Variants in CNTNAP3 observed in about 807,000 individuals in gnomAD.
The protein encoded by CNTNAP3 is contactin-associated protein-like 3.
CNTNAP3 carries 36 observed loss-of-function variants against 92.1 expected under a neutral mutation model. The ratio of observed to expected loss-of-function variants is 0.39; its 90% CI spans 0.30 to 0.52. The LOEUF is 0.52. Ranked by LOEUF, CNTNAP3 falls within the 20% of genes least tolerant of loss-of-function variation. CNTNAP3 has a pLI of 0.76. For synonymous variants in CNTNAP3, 232 were observed against 422.3 expected, an observed-to-expected ratio of 0.55 and a Z score of 5.53; for missense variants, 534 against 1,069.6, an observed-to-expected ratio of 0.50 and a Z score of 6.98.
chr9:39,116,017 T>C (rs537264370), intron 14 of CNTNAP3, among the ~76,000 whole-genome samples: 2 of 152,186 alleles, frequency 1.3e-5, no homozygotes, highest in Admixed American at 1.3e-4. Context: ...TAGCCGGGTG[T>C]GGCACTCGGC....
At chr9:39,133,549 T>TG (rs1821356480) in intron 12 of CNTNAP3, among the ~76,000 whole-genome samples, 1 of 151,918 alleles carries the variant, frequency 6.6e-6, no homozygotes, top group Admixed American at 6.6e-5. Flanking sequence ...AGATACATAT[T>TG]GGGACGATGT....
chr9:39,134,517 T>G (rs1821381640), intron 12 of CNTNAP3, among the ~76,000 whole-genome samples: 1 of 152,026 alleles, frequency 6.6e-6, no homozygotes. Flanking sequence ...CTCTGCCTCC[T>G]GGGTTCAAGC....
At chr9:39,106,154 A>G (rs1204953127) in intron 15 of CNTNAP3, among the ~76,000 whole-genome samples, 1 of 152,192 alleles carries the variant, frequency 6.6e-6, no homozygotes, top group African/African-American at 2.4e-5. Context: ...GCTGCCCCAA[A>G]AGAAGGGAAA....
intron 22 of CNTNAP3, 87 bp downstream of exon 22, chr9:39,078,603 G>C: frequency 6.5e-7 from 1 of 1,548,558 alleles, no homozygotes; most frequent in South Asian, 1.2e-5. Context: ...AAGGATGACA[G>C]AGACGGAGAA....
intron 13 of CNTNAP3, among the ~76,000 whole-genome samples, chr9:39,121,133 C>T (rs949292441): frequency 2.0e-5 from 3 of 148,174 alleles, no homozygotes; most frequent in African/African-American, 7.6e-5. Context: ...GCAGAATCAA[C>T]TGAAAAAAAA....
At chr9:39,096,985 G>A (rs1826341036) in intron 18 of CNTNAP3, among the ~76,000 whole-genome samples, 1 of 150,782 alleles carries the variant, frequency 6.6e-6, no homozygotes, top group African/African-American at 2.4e-5. Flanking sequence ...CTCTCTCCTG[G>A]TATTTTCAAT....
At position 39,069,213 on chromosome 9, in the gene CNTNAP3, C is replaced by T. The variant is rs1366502989; in HGVS notation, c.*4677G>A. Among the ~76,000 whole-genome samples the T allele has an allele frequency of 6.6e-6, 1 of 152,196 alleles. No homozygotes were observed. The highest frequency in any genetic ancestry group is 2.4e-5 in the African/African-American group (1 of 41,424). On this transcript the variant is annotated 3_prime_UTR_variant, in exon 24 of 24. Coordinates refer to ENST00000297668, the MANE Select transcript of CNTNAP3 (RefSeq NM_033655.5). Reference sequence around the variant, plus strand: ...ACATCTCAGGACCTGCATTCTAACCCATTTTTGTCAGTAATTATCTGTGTA... The same window carrying T: ...ACATCTCAGGACCTGCATTCTAACCTATTTTTGTCAGTAATTATCTGTGTA...
chr9:39,084,669 T>C (rs989247410), intron 21 of CNTNAP3, among the ~76,000 whole-genome samples: 6 of 152,200 alleles, frequency 3.9e-5, no homozygotes, highest in African/African-American at 1.4e-4. Flanking sequence ...GCACTTCCTA[T>C]ATAATTCCAA....
At chr9:39,102,018 G>A (rs1338417009) in intron 17 of CNTNAP3, among the ~76,000 whole-genome samples, 12 of 152,314 alleles carry the variant, frequency 7.9e-5, no homozygotes, top group South Asian at 2.1e-4. Flanking sequence ...GGTGGCTCGC[G>A]CCTGTAATCC....
chr9:39,080,705 A>G (rs1379723766), intron 21 of CNTNAP3, among the ~76,000 whole-genome samples: 1 of 108,832 alleles, frequency 9.2e-6, no homozygotes, highest in African/African-American at 3.7e-5. Context: ...CTCTGTCCCC[A>G]GGCTGGAGTG....
rs1289764245 is a variant in CNTNAP3 at position 39,271,884 on chromosome 9, C to T, written c.86-4878G>A. ...TTTATTCTATGAGAACTACAAAAGA[C>T]ACAACACAAATGAAGACCTAGAGGA... On this transcript the variant is annotated intron_variant, in intron 1 of 23. Transcript: ENST00000297668. Among the ~76,000 whole-genome samples, 49 of 19,738 alleles carry T rather than the reference C, an allele frequency of 2.5e-3. 16 individuals carry two copies. Among genetic ancestry groups the T allele is most frequent in the African/African-American group, 5.2e-3 (47 of 9,040 alleles). The allele number at this position is 19,738 out of a possible 152,430, so 12.9% of individuals were successfully genotyped here. A position where few individuals can be genotyped will look rare whatever the true frequency, so the allele number is the denominator to read the frequency against.
chr9:39,121,956 CCTT>C (rs1254642300), intron 13 of CNTNAP3, among the ~76,000 whole-genome samples: 1 of 152,152 alleles, frequency 6.6e-6, no homozygotes, highest in African/African-American at 2.4e-5. Context: ...CCCCCTCTAC[CCTT>C]CTTTTCTTAC....
At chr9:39,132,893 GC>G in intron 13 of CNTNAP3, 38 bp downstream of exon 13, 6 of 1,513,244 alleles carry the variant, frequency 4.0e-6, no homozygotes, top group South Asian at 2.4e-5. Flanking sequence ...CCGCGCCCCG[GC>G]CCCGTGAACC....
chr9:39,119,507 C>T (rs561508770), intron 13 of CNTNAP3, among the ~76,000 whole-genome samples: 6 of 152,098 alleles, frequency 3.9e-5, no homozygotes, highest in African/African-American at 1.4e-4. Flanking sequence ...TAAAAGTTAC[C>T]GACTTCACCA....
At chr9:39,131,842 G>A (rs2118042076) in intron 13 of CNTNAP3, among the ~76,000 whole-genome samples, 1 of 150,426 alleles carries the variant, frequency 6.6e-6, no homozygotes, top group Middle Eastern at 3.4e-3. Flanking sequence ...GAAATGGTCT[G>A]GCATATTCCA....
intron 13 of CNTNAP3, among the ~76,000 whole-genome samples, chr9:39,131,773 A>G (rs1266234942): frequency 6.6e-6 from 1 of 151,830 alleles, no homozygotes; most frequent in African/African-American, 2.4e-5. Flanking sequence ...GGTTGCAGTG[A>G]GCAAAGATCG....
At chr9:39,161,753 T>C (rs117116462) in intron 9 of CNTNAP3, among the ~76,000 whole-genome samples, 378 of 112,816 alleles carry the variant, frequency 3.4e-3, no homozygotes, top group East Asian at 0.025. Context: ...GAGGCTGAGG[T>C]GGGGGAACCT....
In CNTNAP3 at chr9:39,269,008, G is replaced by GCAAC; in HGVS notation, c.86-2006_86-2003dup. 6.7e-5 allele frequency among the ~76,000 whole-genome samples: 2 copies of GCAAC among 29,722 alleles called. 1 individual carries two copies. The highest frequency in any genetic ancestry group is 2.0e-4 in the Non-Finnish European group (2 of 9,852). The allele number at this position is 29,722 out of a possible 152,430, so 19.5% of individuals were successfully genotyped here. ...GGCACCCACAAGGTGAGGCACACGG[G>GCAAC]CAACCACAGGAAGCCGGAAGAAACG... On this transcript the variant is annotated intron_variant, in intron 1 of 23. Coordinates refer to ENST00000297668, the MANE Select transcript of CNTNAP3 (RefSeq NM_033655.5).
At chr9:39,117,811 A>C (rs1820894546) in intron 14 of CNTNAP3, 1 of 391,046 alleles carries the variant, frequency 2.6e-6, no homozygotes, top group African/African-American at 2.1e-5. Flanking sequence ...TAATTAACTA[A>C]ACTTCGCAGA....
Sources: gnomAD v4.1 joint callset for allele counts (sites outside exome capture counted in the v4.1 genomes callset) on GRCh38, gnomAD v4.1.1 for gene constraint, MANE v1.5 for transcripts, NCBI Gene and HGNC (gene_info 2026-07-23, HGNC 2026-07-21) for gene names.